The following ARHGAP28 variants were observed in gnomAD, a reference collection of about 807,000 sequenced individuals.
ARHGAP28 encodes the protein Rho GTPase activating protein 28.
In ARHGAP28, 56 loss-of-function variants were observed where a neutral mutation model predicts 90.7. That is an observed-to-expected ratio of 0.62 (90% confidence interval 0.50 to 0.77). The LOEUF (loss-of-function observed/expected upper bound fraction) is 0.77, where lower values mean the gene tolerates loss of function less well. ARHGAP28 is among the 30% of genes least tolerant of loss of function. ARHGAP28 has a pLI of 0.00. For missense variants in ARHGAP28, 869 were observed against 900.9 expected (o/e 0.96, Z 0.45); for synonymous variants, 308 against 323.3 (o/e 0.95, Z 0.51).
In ARHGAP28 at chr18:6,859,865, G is replaced by T; in HGVS notation, c.694G>T (p.Gly232Trp). 6.2e-7 allele frequency: 1 copy of T among 1,614,228 alleles called. No individual in the cohort carries two copies. Among genetic ancestry groups the T allele is most frequent in the Non-Finnish European group, 8.5e-7 (1 of 1,180,044 alleles). Residue 232 changes from glycine to tryptophan, a missense_variant, in exon 5 of 18, where the codon GGG becomes TGG. Physicochemically the swap from Gly to Trp is radical, Grantham distance 184. Transcript: ENST00000383472. ...TLSDASQDKE[G>W]SFAVPRSDSV... ...GTCTGACGCATCCCAGGATAAAGAA[G>T]GGAGTTTTGCGGTTCCCAGGAGTGA...
intron 3 of ARHGAP28, among the ~76,000 whole-genome samples, chr18:6,839,382 C>T (rs150283796): frequency 0.019 from 2,948 of 151,638 alleles, 92 homozygotes; most frequent in African/African-American, 0.067. Flanking sequence ...CAAGCTCCGC[C>T]TCCCGGGTTC....
intron 3 of ARHGAP28, among the ~76,000 whole-genome samples, chr18:6,839,161 T>C (rs1186355889): frequency 6.6e-6 from 1 of 152,182 alleles, no homozygotes; most frequent in East Asian, 1.9e-4. Context: ...GAAGGACAAG[T>C]AACGTGTCTT....
At chr18:6,898,168 C>T in intron 16 of ARHGAP28, 1 of 267,722 alleles carries the variant, frequency 3.7e-6, no homozygotes, top group Non-Finnish European at 6.9e-6. Flanking sequence ...TTTCTACCAT[C>T]AGGAGAAAAA....
At chr18:6,838,698 A>G (rs572444853) in intron 3 of ARHGAP28, among the ~76,000 whole-genome samples, 1 of 152,226 alleles carries the variant, frequency 6.6e-6, no homozygotes, top group Non-Finnish European at 1.5e-5. Flanking sequence ...TATGTATTGA[A>G]TAACATAGTT....
chr18:6,874,537 G>A (rs565657627), intron 9 of ARHGAP28: 2 of 152,248 alleles, frequency 1.3e-5, no homozygotes, highest in South Asian at 4.1e-4. Flanking sequence ...AAAATTCCTA[G>A]TCCTTAACAC....
intron 1 of ARHGAP28, among the ~76,000 whole-genome samples, chr18:6,817,739 G>A (rs1600212833): frequency 6.6e-6 from 1 of 152,148 alleles, no homozygotes; most frequent in Non-Finnish European, 1.5e-5. Context: ...ATTCCAAGGA[G>A]GGAGAATGGG....
At chr18:6,804,467 T>C (rs2056504427) in intron 1 of ARHGAP28, among the ~76,000 whole-genome samples, 1 of 152,212 alleles carries the variant, frequency 6.6e-6, no homozygotes, top group Admixed American at 6.5e-5. Flanking sequence ...TTTCTAATTT[T>C]TTCTGCTTAT....
Position 6,841,166 on chromosome 18 carries a change from T to C in ARHGAP28, c.543+3752T>C, listed in dbSNP as rs1234297088. On this transcript the variant is annotated intron_variant, in intron 3 of 17. Transcript: ENST00000383472. ...ACTGTCTCTCTCCTCTTTCTCTCTC[T>C]CCTCTCTCTCTCTCCTCTCTCTCTC... Among the ~76,000 whole-genome samples, 111 of 86,904 alleles carry C rather than the reference T, an allele frequency of 1.3e-3. 1 individual carries two copies. The highest frequency in any genetic ancestry group is 1.8e-3 in the Admixed American group (15 of 8,342). The allele number at this position is 86,904 out of a possible 152,430, so 57.0% of individuals were successfully genotyped here.
At chr18:6,782,536 G>A (rs1450998997) in intron 1 of ARHGAP28, among the ~76,000 whole-genome samples, 2 of 144,672 alleles carry the variant, frequency 1.4e-5, no homozygotes, top group Non-Finnish European at 3.0e-5. Context: ...TCATGCGTCA[G>A]CTTCCTGAGT....
At chr18:6,856,195 T>C (rs2056952159) in intron 4 of ARHGAP28, among the ~76,000 whole-genome samples, 1 of 152,244 alleles carries the variant, frequency 6.6e-6, no homozygotes, top group African/African-American at 2.4e-5. Flanking sequence ...CTAGTTTTCT[T>C]CAACTTTATG....
chr18:6,882,078 G>A, intron 10 of ARHGAP28, 59 bp from the exon 11 acceptor site: 1 of 1,504,598 alleles, frequency 6.6e-7, no homozygotes, highest in Non-Finnish European at 9.0e-7. Flanking sequence ...TTTCGAAGGG[G>A]AAAATGGGGT....
intron 1 of ARHGAP28, among the ~76,000 whole-genome samples, chr18:6,795,783 G>C (rs544789360): frequency 6.6e-6 from 1 of 152,200 alleles, no homozygotes; most frequent in African/African-American, 2.4e-5. Flanking sequence ...GCCCCTATGT[G>C]AATGGTCAAG....
In ARHGAP28 at chr18:6,742,556, T is replaced by A. The variant is rs116473869; in HGVS notation, c.122+12613T>A. 5.1e-3 allele frequency among the ~76,000 whole-genome samples: 775 copies of A among 152,168 alleles called. 8 individuals carry two copies. Among genetic ancestry groups the A allele is most frequent in the African/African-American group, 0.017 (724 of 41,506 alleles). On this transcript the variant is annotated intron_variant, in intron 1 of 17. Transcript: ENST00000383472. Reference sequence around the variant, plus strand: ...AGATTGTGGATGGGGAGACAATGAGTTTGACATGTGAAATTTCAACCTTTA... The same window carrying A: ...AGATTGTGGATGGGGAGACAATGAGATTGACATGTGAAATTTCAACCTTTA...
intron 1 of ARHGAP28, among the ~76,000 whole-genome samples, chr18:6,764,745 ATGAT>A (rs758612288): frequency 1.4e-4 from 21 of 152,198 alleles, no homozygotes; most frequent in Non-Finnish European, 2.8e-4. Flanking sequence ...TCTTATCCCT[ATGAT>A]TGATCAATTC....
At chr18:6,787,485 A>T (rs1237534168) in intron 1 of ARHGAP28, among the ~76,000 whole-genome samples, 2 of 152,072 alleles carry the variant, frequency 1.3e-5, no homozygotes, top group African/African-American at 4.8e-5. Flanking sequence ...AACTTCTTTC[A>T]TGTAGATTGG....
chr18:6,903,826 C>CAAAAAA (rs35606759), intron 16 of ARHGAP28, among the ~76,000 whole-genome samples: 3 of 84,016 alleles, frequency 3.6e-5, no homozygotes, highest in Admixed American at 1.6e-4. Flanking sequence ...GACTCCATCT[C>CAAAAAA]AAAAAAAAAA....
chr18:6,852,538 T>C (rs985603983), intron 4 of ARHGAP28, among the ~76,000 whole-genome samples: 1 of 152,216 alleles, frequency 6.6e-6, no homozygotes, highest in Non-Finnish European at 1.5e-5. Flanking sequence ...GGAACTTAAT[T>C]TTAAGCAAGT....
At chr18:6,805,479 CTTTTTTTTT>C (rs756550297) in intron 1 of ARHGAP28, among the ~76,000 whole-genome samples, 25 of 97,574 alleles carry the variant, frequency 2.6e-4, no homozygotes, top group African/African-American at 7.9e-4. Flanking sequence ...TAACCTTTGC[CTTTTTTTTT>C]TTTTTTTTTT....
At chr18:6,766,275 CTG>C (rs1297544098) in intron 1 of ARHGAP28, among the ~76,000 whole-genome samples, 1 of 152,168 alleles carries the variant, frequency 6.6e-6, no homozygotes, top group African/African-American at 2.4e-5. Context: ...TTTTGAAGCA[CTG>C]TGTCTCAGGG....
Sources: gnomAD v4.1 joint callset for allele counts (sites outside exome capture counted in the v4.1 genomes callset) on GRCh38, gnomAD v4.1.1 for gene constraint, MANE v1.5 for transcripts, NCBI Gene and HGNC (gene_info 2026-07-23, HGNC 2026-07-21) for gene names.